The following COL22A1 variants were observed in gnomAD, a reference collection of about 807,000 sequenced individuals.
COL22A1 encodes collagen alpha-1(XXII) chain.
COL22A1 carries 221 observed loss-of-function variants against 248.9 expected under a neutral mutation model. The observed-to-expected ratio is 0.89, with a 90% CI of 0.80 to 0.99. COL22A1 has a LOEUF of 0.99. Ranked by LOEUF, COL22A1 falls within the 50% of genes least tolerant of loss-of-function variation. The pLI is 0.00. For synonymous variants in COL22A1, 891 were observed against 793.4 expected, an observed-to-expected ratio of 1.12 and a Z score of -2.07; for missense variants, 2,240 against 2,179.0, an observed-to-expected ratio of 1.03 and a Z score of -0.56.
intron 47 of COL22A1, among the ~76,000 whole-genome samples, chr8:138,640,626 T>G (rs1821600432): frequency 1.3e-5 from 2 of 152,192 alleles, no homozygotes; most frequent in Non-Finnish European, 2.9e-5. Flanking sequence ...TTTCAGTCGT[T>G]TACTCTTCTA....
chr8:138,764,168 G>A (rs1168133778), intron 16 of COL22A1, among the ~76,000 whole-genome samples: 1 of 152,184 alleles, frequency 6.6e-6, no homozygotes, highest in Admixed American at 6.5e-5. Flanking sequence ...TGGCTGCTGT[G>A]CTCGCTGTGG....
chr8:138,639,005 G>A (rs1443005166), intron 47 of COL22A1, among the ~76,000 whole-genome samples: 2 of 152,158 alleles, frequency 1.3e-5, no homozygotes, highest in African/African-American at 4.8e-5. Flanking sequence ...CCAGAGAAGG[G>A]CGCTGACATT....
intron 5 of COL22A1, among the ~76,000 whole-genome samples, chr8:138,829,052 T>C (rs1033036172): frequency 1.3e-5 from 2 of 152,254 alleles, no homozygotes; most frequent in African/African-American, 4.8e-5. Context: ...TCTGAGTTCC[T>C]GGTTCTCAGA....
rs977519189 is a variant in COL22A1, at chr8:138,749,718, G to A, written c.2085+1740C>T. Among the ~76,000 whole-genome samples the A allele has an allele frequency of 3.9e-5, 6 of 152,196 alleles. No individual in the cohort carries two copies. The South Asian group carries it at 1.2e-3, about 31-fold the overall frequency. Reference sequence around the variant, plus strand: ...CTTGCAAGGGTCACACAGCTGCTGAGACGTGGATCAGCACTTCAATCCCAG... The same window carrying A: ...CTTGCAAGGGTCACACAGCTGCTGAAACGTGGATCAGCACTTCAATCCCAG... On this transcript the variant is annotated intron_variant, in intron 22 of 64. Transcript: ENST00000303045.
chr8:138,851,354 A>G (rs1586888778), intron 3 of COL22A1, among the ~76,000 whole-genome samples: 1 of 152,150 alleles, frequency 6.6e-6, no homozygotes, highest in African/African-American at 2.4e-5. Flanking sequence ...GACGAGAGGG[A>G]CAGGAGAGGA....
intron 56 of COL22A1, among the ~76,000 whole-genome samples, chr8:138,609,816 G>A (rs577064287): frequency 5.3e-5 from 8 of 151,866 alleles, no homozygotes; most frequent in African/African-American, 1.9e-4. Flanking sequence ...TTCTGGGTGG[G>A]TGCCTGTGCT....
At chr8:138,802,809 G>C in intron 11 of COL22A1, 63 bp downstream of exon 11, 1 of 1,283,884 alleles carries the variant, frequency 7.8e-7, no homozygotes, top group Admixed American at 1.7e-5. Flanking sequence ...ATGATCGGAG[G>C]GCCCTGGGTC....
At chr8:138,701,335 G>A (rs1259010467) in intron 31 of COL22A1, among the ~76,000 whole-genome samples, 1 of 152,060 alleles carries the variant, frequency 6.6e-6, no homozygotes, top group African/African-American at 2.4e-5. Flanking sequence ...TCTGATCCAT[G>A]CAGATGCCTG....
intron 57 of COL22A1, 123 bp downstream of exon 57, chr8:138,607,813 A>G (rs774434844): frequency 1.6e-4 from 143 of 883,438 alleles, no homozygotes; most frequent in Admixed American, 4.7e-4. Context: ...TATTTCTACC[A>G]CTCAAACCCA....
chr8:138,730,929 C>T (rs781350985), intron 23 of COL22A1, among the ~76,000 whole-genome samples: 6 of 152,016 alleles, frequency 3.9e-5, no homozygotes, highest in Admixed American at 6.6e-5. Context: ...GGCAAGAAAA[C>T]AAGGCTTTGT....
At chr8:138,600,873 G>A (rs1817944634) in intron 60 of COL22A1, among the ~76,000 whole-genome samples, 1 of 152,150 alleles carries the variant, frequency 6.6e-6, no homozygotes, top group African/African-American at 2.4e-5. Flanking sequence ...TGGATGCTAA[G>A]GCCCTATCTC....
chr8:138,880,878 C>T (rs940485188), intron 2 of COL22A1, among the ~76,000 whole-genome samples: 4 of 152,226 alleles, frequency 2.6e-5, no homozygotes, highest in African/African-American at 9.7e-5. Flanking sequence ...TTGAAGGCTA[C>T]AGAAGTTTCA....
Position 138,694,639 on chromosome 8 carries a change from C to T in COL22A1, c.2647-78G>A, listed in dbSNP as rs950197277. The T allele has an allele frequency of 1.5e-4, 225 of 1,492,896 alleles. No individual in the cohort carries two copies. In the African/African-American group the frequency reaches 3.0e-3, roughly 20 times the overall value. The allele number at this position is 1,492,896 out of a possible 1,614,324, so 92.5% of individuals were successfully genotyped here. ...ATGGGCGGATGGGGCGGGGACGTTG[C>T]AATGGGTATAATTTGAGATCCAAGG... On this transcript the variant is annotated intron_variant, in intron 33 of 64. Coordinates refer to ENST00000303045, the MANE Select transcript of COL22A1 (RefSeq NM_152888.3).
At chr8:138,686,644 G>T (rs370280424) in intron 37 of COL22A1, among the ~76,000 whole-genome samples, 7 of 152,170 alleles carry the variant, frequency 4.6e-5, no homozygotes, top group African/African-American at 1.7e-4. Context: ...TCCCGGGCCC[G>T]GCCCTCAGCC....
At chr8:138,878,419 C>A in intron 2 of COL22A1, 103 bp from the exon 3 acceptor site, 1 of 992,778 alleles carries the variant, frequency 1.0e-6, no homozygotes, top group Non-Finnish European at 1.4e-6. Context: ...GCTCAAATAC[C>A]TACCTGCCCT....
chr8:138,764,567 A>C (rs892683510), intron 16 of COL22A1, among the ~76,000 whole-genome samples: 3 of 152,256 alleles, frequency 2.0e-5, no homozygotes, highest in Non-Finnish European at 4.4e-5. Flanking sequence ...CCTTGCTTCT[A>C]CATAAACTTA....
At chr8:138,691,594 G>A (rs1826886809) in intron 35 of COL22A1, among the ~76,000 whole-genome samples, 1 of 144,344 alleles carries the variant, frequency 6.9e-6, no homozygotes, top group Admixed American at 6.9e-5. Flanking sequence ...CATTTGTGAA[G>A]GTGTGTGTGC....
At chr8:138,851,815 T>C (rs1285680409) in intron 3 of COL22A1, among the ~76,000 whole-genome samples, 1 of 152,122 alleles carries the variant, frequency 6.6e-6, no homozygotes, top group Non-Finnish European at 1.5e-5. Context: ...CATAAAATAA[T>C]GGCAAAGTGA....
chr8:138,779,418 G>A (rs1814752826), intron 14 of COL22A1, 91 bp downstream of exon 14: 2 of 826,082 alleles, frequency 2.4e-6, no homozygotes, highest in African/African-American at 1.7e-5. Flanking sequence ...GAACCTATCT[G>A]AGCATCTCTT....
Sources: gnomAD v4.1 joint callset for allele counts (sites outside exome capture counted in the v4.1 genomes callset) on GRCh38, gnomAD v4.1.1 for gene constraint, MANE v1.5 for transcripts, NCBI Gene and HGNC (gene_info 2026-07-23, HGNC 2026-07-21) for gene names.